The following TNS3 variants were observed in gnomAD, a reference collection of about 807,000 sequenced individuals.
The protein encoded by TNS3 is tensin-3.
In TNS3, 45 loss-of-function variants were observed where a neutral mutation model predicts 140.9. That is an observed-to-expected ratio of 0.32 (90% CI 0.25 to 0.41). TNS3 has a LOEUF of 0.41. Among genes scored for constraint, TNS3 ranks in the 10% least tolerant of loss-of-function variants. The pLI is 1.00. For synonymous variants in TNS3, 815 were observed against 788.4 expected (o/e 1.03, Z -0.56); for missense variants, 1,716 against 1,906.7 (o/e 0.90, Z 1.86).
At chr7:47,298,143 A>G (rs1250840769) in intron 23 of TNS3, among the ~76,000 whole-genome samples, 2 of 152,214 alleles carry the variant, frequency 1.3e-5, no homozygotes, top group African/African-American at 4.8e-5. Context: ...CCAAAATGTT[A>G]CTGAAAATTT....
intron 4 of TNS3, among the ~76,000 whole-genome samples, chr7:47,469,406 C>T (rs958164689): frequency 5.3e-5 from 8 of 152,126 alleles, no homozygotes; most frequent in East Asian, 3.8e-4. Context: ...AAACATCAGA[C>T]GTCGGCTAGG....
chr7:47,512,834 T>C (rs569975864), intron 2 of TNS3, among the ~76,000 whole-genome samples: 1 of 152,312 alleles, frequency 6.6e-6, no homozygotes, highest in African/African-American at 2.4e-5. Flanking sequence ...GAATAAAATA[T>C]CAGAGAACAT....
chr7:47,504,888 T>C (rs1798358158), intron 3 of TNS3, among the ~76,000 whole-genome samples: 2 of 152,232 alleles, frequency 1.3e-5, no homozygotes, highest in Admixed American at 6.5e-5. Flanking sequence ...TGTGATCTGA[T>C]AGGAATAAGA....
At chr7:47,431,131 T>C (rs1794910088) in intron 8 of TNS3, among the ~76,000 whole-genome samples, 1 of 152,096 alleles carries the variant, frequency 6.6e-6, no homozygotes, top group African/African-American at 2.4e-5. Context: ...CCTAAATAAC[T>C]ACTGGGTCAA....
chr7:47,481,566 G>A (rs1031823809), intron 3 of TNS3: 7 of 730,414 alleles, frequency 9.6e-6, no homozygotes, highest in African/African-American at 5.8e-5. Context: ...CCTCACCCAG[G>A]GGCATGCATT....
intron 27 of TNS3, among the ~76,000 whole-genome samples, chr7:47,289,940 A>G (rs574499237): frequency 1.3e-5 from 2 of 152,330 alleles, no homozygotes; most frequent in Admixed American, 1.3e-4. Context: ...AGCAAACACA[A>G]TATTGAAAGA....
chr7:47,295,750 T>C (rs1184019126), intron 24 of TNS3, among the ~76,000 whole-genome samples: 3 of 152,004 alleles, frequency 2.0e-5, no homozygotes, highest in Non-Finnish European at 4.4e-5. Flanking sequence ...AATGAACCCA[T>C]CTATGTTTCC....
chr7:47,580,070 C>A (rs1367383440), intron 1 of TNS3, among the ~76,000 whole-genome samples: 1 of 151,774 alleles, frequency 6.6e-6, no homozygotes, highest in Non-Finnish European at 1.5e-5. Context: ...GTTTTTCTAT[C>A]TTGGTAGTTT....
Position 47,303,428 on chromosome 7 carries a change from G to T in TNS3, c.2979C>A (p.Leu993=). Residue 993 remains leucine, a synonymous_variant, in exon 22 of 31, where the codon CTC becomes CTA. Coordinates refer to ENST00000311160, the MANE Select transcript of TNS3 (RefSeq NM_022748.12). ...GCTCATGGCTGTGGAAAGGAGCCTGGAGCTCTGACGGCGGGAAGCAGGACA... is the reference window on the plus strand; with the variant it reads ...GCTCATGGCTGTGGAAAGGAGCCTGTAGCTCTGACGGCGGGAAGCAGGACA... The part of the protein sequence containing the change: ...PVLSCFPPSE[L]QAPFHSHELS... 6.2e-7 allele frequency: 1 copy of T among 1,613,600 alleles called. No individual in the cohort carries two copies. Among genetic ancestry groups the T allele is most frequent in the Non-Finnish European group, 8.5e-7 (1 of 1,180,022 alleles).
intron 2 of TNS3, among the ~76,000 whole-genome samples, chr7:47,510,069 G>T (rs943653753): frequency 6.6e-6 from 1 of 152,150 alleles, no homozygotes; most frequent in Admixed American, 6.5e-5. Flanking sequence ...ACCTATCTTC[G>T]CCTGTTTTAC....
intron 1 of TNS3, among the ~76,000 whole-genome samples, chr7:47,560,057 G>A (rs765227685): frequency 1.3e-5 from 2 of 152,128 alleles, no homozygotes; most frequent in Non-Finnish European, 2.9e-5. Context: ...TCCCTTTGCA[G>A]CCCACCTCAA....
At chr7:47,341,824 A>AT (rs1448640534) in intron 20 of TNS3, among the ~76,000 whole-genome samples, 2 of 151,670 alleles carry the variant, frequency 1.3e-5, no homozygotes, top group African/African-American at 4.8e-5. Context: ...TCATTTCAGA[A>AT]TTTTCTTCTT....
chr7:47,497,743 A>C lies in TNS3; in HGVS notation c.-115+9164T>G, dbSNP rs1798067742. Among the ~76,000 whole-genome samples, 2 of 150,302 alleles carry C rather than the reference A, an allele frequency of 1.3e-5. 1 individual carries two copies. Among genetic ancestry groups the C allele is most frequent in the South Asian group, 4.2e-4 (2 of 4,732 alleles). On this transcript the variant is annotated intron_variant, in intron 3 of 30. Coordinates refer to ENST00000311160, the MANE Select transcript of TNS3 (RefSeq NM_022748.12). The stretch of plus-strand genomic sequence containing the variant: ...GTGCTCTTTTCTTTTGTTTTTGTTT[A>C]CACTGGAGCGACGTGTGCCCATGGA...
chr7:47,296,417 G>A lies in TNS3; in HGVS notation c.3676+665C>T. Among the ~76,000 whole-genome samples, 2 of 152,146 alleles carry A rather than the reference G, an allele frequency of 1.3e-5. 1 individual carries two copies. Among genetic ancestry groups the A allele is most frequent in the Non-Finnish European group, 2.9e-5 (2 of 68,030 alleles). On this transcript the variant is annotated intron_variant, in intron 24 of 30. Transcript: ENST00000311160. ...CGTGGCGATTCCTCAAAGACCTAGA[G>A]GCAGTAATACCATAGGACCCAGCAA...
chr7:47,446,854 G>A (rs1000392135), intron 4 of TNS3, among the ~76,000 whole-genome samples: 7 of 138,656 alleles, frequency 5.0e-5, no homozygotes, highest in African/African-American at 1.8e-4. Context: ...CACCAAATAC[G>A]GCTAATTTTT....
rs367640393 is a variant in TNS3 at position 47,317,923 on chromosome 7, G to A, written c.2651-12920C>T. Among the ~76,000 whole-genome samples the A allele has an allele frequency of 7.4e-4, 113 of 152,224 alleles. 1 individual carries two copies. Among genetic ancestry groups the A allele is most frequent in the African/African-American group, 2.6e-3 (106 of 41,538 alleles). On this transcript the variant is annotated intron_variant, in intron 20 of 30. Coordinates refer to ENST00000311160, the MANE Select transcript of TNS3 (RefSeq NM_022748.12). ...CACCCACAGCTGCTCAGTGAGTTTC[G>A]TTATTTTTCTCAAATTGTGATAAGA...
At chr7:47,443,013 A>G (rs577881278) in intron 4 of TNS3, among the ~76,000 whole-genome samples, 3 of 152,330 alleles carry the variant, frequency 2.0e-5, no homozygotes, top group East Asian at 1.9e-4. Flanking sequence ...AATCATACCA[A>G]TGCAAAGCCT....
chr7:47,408,274 T>C (rs867469006), intron 13 of TNS3, among the ~76,000 whole-genome samples: 19 of 152,248 alleles, frequency 1.2e-4, no homozygotes, highest in Admixed American at 6.5e-4. Context: ...GCCTCATTTA[T>C]CAAGTGCCAA....
At chr7:47,344,563 T>C (rs551127721) in intron 20 of TNS3, among the ~76,000 whole-genome samples, 192 bp downstream of exon 20, 2 of 152,330 alleles carry the variant, frequency 1.3e-5, no homozygotes, top group Middle Eastern at 6.8e-3. Flanking sequence ...CAAGGCCAGG[T>C]TGCCACCACA....
Sources: gnomAD v4.1 joint callset for allele counts (sites outside exome capture counted in the v4.1 genomes callset) on GRCh38, gnomAD v4.1.1 for gene constraint, MANE v1.5 for transcripts, NCBI Gene and HGNC (gene_info 2026-07-23, HGNC 2026-07-21) for gene names.